Variants in ATP6V1H observed in about 807,000 individuals in gnomAD.
The protein encoded by ATP6V1H is ATPase H+ transporting V1 subunit H.
A neutral mutation model predicts 71.7 loss-of-function variants in ATP6V1H; 39 were observed. The ratio of observed to expected loss-of-function variants is 0.54; its 90% CI spans 0.42 to 0.71. ATP6V1H has a LOEUF of 0.71. ATP6V1H is among the 30% of genes least tolerant of loss of function. ATP6V1H has a pLI of 0.00. For missense variants in ATP6V1H, 509 were observed against 594.9 expected (o/e 0.86, Z 1.50); for synonymous variants, 192 against 199.3 (o/e 0.96, Z 0.31).
At chr8:53,774,201 C>G (rs981573936) in intron 9 of ATP6V1H, among the ~76,000 whole-genome samples, 2 of 152,238 alleles carry the variant, frequency 1.3e-5, no homozygotes, top group African/African-American at 4.8e-5. Flanking sequence ...CATGCAAAGG[C>G]ATAGCATTGT....
chr8:53,771,537 A>G (rs1585768178), intron 10 of ATP6V1H, among the ~76,000 whole-genome samples: 1 of 152,304 alleles, frequency 6.6e-6, no homozygotes, highest in East Asian at 1.9e-4. Flanking sequence ...AGTCCCTTCC[A>G]TAGTGGCTAA....
chr8:53,796,465 C>A (rs1235236210), intron 8 of ATP6V1H, among the ~76,000 whole-genome samples: 1 of 151,270 alleles, frequency 6.6e-6, no homozygotes, highest in East Asian at 1.9e-4. Context: ...AAGGAAATTG[C>A]CCTGGGGAAT....
At chr8:53,815,890 T>C (rs921987865) in intron 5 of ATP6V1H, among the ~76,000 whole-genome samples, 11 of 152,188 alleles carry the variant, frequency 7.2e-5, no homozygotes, top group African/African-American at 2.7e-4. Context: ...ATGTGAAAGA[T>C]TGGCCAAAAG....
chr8:53,781,576 T>C (rs945001501), intron 9 of ATP6V1H, among the ~76,000 whole-genome samples: 1 of 152,248 alleles, frequency 6.6e-6, no homozygotes, highest in African/African-American at 2.4e-5. Context: ...TGTCTTTTGT[T>C]GCCATTGCTT....
intron 1 of ATP6V1H, 37 bp from the exon 2 acceptor site, chr8:53,841,762 G>T: frequency 6.4e-7 from 1 of 1,561,804 alleles, no homozygotes; most frequent in Admixed American, 2.0e-5. Flanking sequence ...AGAATACGAG[G>T]TGTTTCTTTT....
chr8:53,779,695 T>C (rs1156479677), intron 9 of ATP6V1H, among the ~76,000 whole-genome samples: 4 of 152,060 alleles, frequency 2.6e-5, no homozygotes, highest in Non-Finnish European at 5.9e-5. Flanking sequence ...CCTTTCCTTT[T>C]GTGAGATTTC....
At chr8:53,826,800 A>G (rs1810835582) in intron 4 of ATP6V1H, among the ~76,000 whole-genome samples, 1 of 151,816 alleles carries the variant, frequency 6.6e-6, no homozygotes, top group Non-Finnish European at 1.5e-5. Flanking sequence ...AAAAAATATA[A>G]AAATTAGCCA....
intron 13 of ATP6V1H, among the ~76,000 whole-genome samples, chr8:53,725,476 AGTGGTTTGTCT>A (rs1449013278): frequency 1.3e-5 from 2 of 150,868 alleles, no homozygotes; most frequent in Non-Finnish European, 1.5e-5. Flanking sequence ...CACTTTGCTC[AGTGGTTTGTCT>A]GTGGTTTGTC....
At chr8:53,777,470 T>C (rs1251792499) in intron 9 of ATP6V1H, among the ~76,000 whole-genome samples, 1 of 151,728 alleles carries the variant, frequency 6.6e-6, no homozygotes, top group Non-Finnish European at 1.5e-5. Flanking sequence ...GAACGATATC[T>C]TGAAAGTACC....
chr8:53,768,620 G>A (rs1030167404), intron 11 of ATP6V1H, among the ~76,000 whole-genome samples: 1 of 152,134 alleles, frequency 6.6e-6, no homozygotes, highest in Non-Finnish European at 1.5e-5. Flanking sequence ...GAATGAAGTA[G>A]TGATAAATTC....
chr8:53,823,046 A>G (rs1563483005), intron 4 of ATP6V1H, among the ~76,000 whole-genome samples: 1 of 152,148 alleles, frequency 6.6e-6, no homozygotes, highest in Non-Finnish European at 1.5e-5. Context: ...GACGTTTAAC[A>G]TACCACTCTT....
At position 53,811,193 on chromosome 8, in the gene ATP6V1H, C is replaced by T. The variant is rs1432813655; in HGVS notation, c.550G>A (p.Val184Ile). 6.2e-7 allele frequency: 1 copy of T among 1,613,408 alleles called. No individual in the cohort carries two copies. Among genetic ancestry groups the T allele is most frequent in the South Asian group, 1.1e-5 (1 of 91,018 alleles). The change falls in exon 7 of 14, where the codon GTT (valine) becomes ATT (isoleucine). Residue 184 changes from valine (V) to isoleucine (I), a missense_variant. This residue lies in a region of ATP6V1H where 297 missense variants were observed against 303.3 expected (regional missense o/e 0.98). Coordinates refer to ENST00000359530, the MANE Select transcript of ATP6V1H (RefSeq NM_015941.4). ...CTTGAAGAGACTGTTCCTGTTTCAA[C>T]AGCAACACCGCTACCACGCAGTTTC... ...SQKLRGSGVA[V>I]ETGTVSSSDS...
chr8:53,778,078 T>C (rs1300140594), intron 9 of ATP6V1H, among the ~76,000 whole-genome samples: 2 of 152,186 alleles, frequency 1.3e-5, no homozygotes, highest in Non-Finnish European at 2.9e-5. Flanking sequence ...GCTTACATTT[T>C]ACATAAGGTA....
chr8:53,833,562 A>C (rs569662516), intron 2 of ATP6V1H, among the ~76,000 whole-genome samples: 95 of 151,838 alleles, frequency 6.3e-4, no homozygotes, highest in East Asian at 3.7e-3. Context: ...CAGAAAAAAA[A>C]AAAACAAAAC....
chr8:53,808,871 A>T (rs920759039), intron 7 of ATP6V1H, among the ~76,000 whole-genome samples: 2 of 151,392 alleles, frequency 1.3e-5, no homozygotes, highest in African/African-American at 4.9e-5. Context: ...AGGCCATTTT[A>T]AAAAAGGTAA....
chr8:53,779,523 C>G (rs952117642), intron 9 of ATP6V1H, among the ~76,000 whole-genome samples: 3 of 150,260 alleles, frequency 2.0e-5, no homozygotes, highest in Non-Finnish European at 4.4e-5. Flanking sequence ...CTAGATATCA[C>G]AGATTATTTA....
chr8:53,780,764 C>A (rs891887241), intron 9 of ATP6V1H, among the ~76,000 whole-genome samples: 1 of 152,034 alleles, frequency 6.6e-6, no homozygotes, highest in African/African-American at 2.4e-5. Context: ...TTGTTCAATT[C>A]CCACCTATGA....
At chr8:53,780,257 T>C (rs572393568) in intron 9 of ATP6V1H, among the ~76,000 whole-genome samples, 54 of 152,268 alleles carry the variant, frequency 3.5e-4, no homozygotes, top group Middle Eastern at 3.4e-3. Flanking sequence ...GGTATTCTTC[T>C]AAAACCAACT....
intron 12 of ATP6V1H, among the ~76,000 whole-genome samples, chr8:53,753,309 CTA>C (rs1807868032): frequency 6.6e-6 from 1 of 152,142 alleles, no homozygotes; most frequent in African/African-American, 2.4e-5. Context: ...CCAAAAAAGA[CTA>C]TTTTAGGAAA....
Sources: gnomAD v4.1 joint callset for allele counts (sites outside exome capture counted in the v4.1 genomes callset) on GRCh38, gnomAD v4.1.1 for gene constraint, gnomAD v4.1.1 regional missense constraint, MANE v1.5 for transcripts, NCBI Gene and HGNC (gene_info 2026-07-23, HGNC 2026-07-21) for gene names.